GRID2: variants seen among roughly 807,000 people sequenced by gnomAD.
GRID2 encodes the protein glutamate receptor ionotropic, delta-2.
GRID2 carries 33 observed loss-of-function variants against 114.8 expected under a neutral mutation model. That is an observed-to-expected ratio of 0.29 (90% CI 0.22 to 0.38). The LOEUF (loss-of-function observed/expected upper bound fraction) is 0.38. GRID2 is among the 10% of genes least tolerant of loss of function. The pLI, the probability that GRID2 is intolerant of heterozygous loss-of-function variation, is 1.00. For synonymous variants in GRID2, 505 were observed against 449.9 expected, an observed-to-expected ratio of 1.12 and a Z score of -1.55; for missense variants, 1,184 against 1,257.7, an observed-to-expected ratio of 0.94 and a Z score of 0.89.
At chr4:92,479,440 T>A (rs764240046) in intron 1 of GRID2, among the ~76,000 whole-genome samples, 1 of 152,150 alleles carries the variant, frequency 6.6e-6, no homozygotes, top group African/African-American at 2.4e-5. Context: ...ACAAAATGTG[T>A]TTATTTGGAT....
intron 2 of GRID2, among the ~76,000 whole-genome samples, chr4:92,610,932 A>G (rs566481613): frequency 2.5e-4 from 38 of 151,486 alleles, no homozygotes; most frequent in African/African-American, 8.7e-4. Context: ...GGGATATATC[A>G]TTTTGTTTTT....
chr4:93,750,507 C>T (rs896611451), intron 14 of GRID2, among the ~76,000 whole-genome samples: 11 of 151,746 alleles, frequency 7.2e-5, no homozygotes, highest in African/African-American at 1.7e-4. Context: ...CGGTGGCTCA[C>T]GTCTGTAATC....
At chr4:92,917,855 G>C (rs1388292616) in intron 2 of GRID2, among the ~76,000 whole-genome samples, 1 of 152,180 alleles carries the variant, frequency 6.6e-6, no homozygotes, top group South Asian at 2.1e-4. Flanking sequence ...TTCCATGTGA[G>C]CTTTAAAGTA....
chr4:93,404,654 CT>C (rs1454114857), intron 9 of GRID2, among the ~76,000 whole-genome samples: 1 of 152,098 alleles, frequency 6.6e-6, no homozygotes, highest in Non-Finnish European at 1.5e-5. Flanking sequence ...TGTGTCCATT[CT>C]TCTTATGCAC....
chr4:93,512,662 T>C lies in GRID2; in HGVS notation c.1998-2554T>C, dbSNP rs551086105. On this transcript the variant is annotated intron_variant, in intron 12 of 15. Coordinates refer to ENST00000282020, the MANE Select transcript of GRID2 (RefSeq NM_001510.4). ...GCCTTTGTTCTAAATTACAAAATGCTCTGCTATTCTAAACTTGAAGTATGT... is the reference window on the plus strand; with the variant it reads ...GCCTTTGTTCTAAATTACAAAATGCCCTGCTATTCTAAACTTGAAGTATGT... Among the ~76,000 whole-genome samples the C allele has an allele frequency of 5.3e-5, 8 of 152,288 alleles. No homozygotes were observed. In the South Asian group the frequency reaches 1.7e-3, roughly 32 times the overall value.
At chr4:93,405,511 G>C (rs1190585385) in intron 9 of GRID2, among the ~76,000 whole-genome samples, 1 of 152,098 alleles carries the variant, frequency 6.6e-6, no homozygotes, top group Non-Finnish European at 1.5e-5. Context: ...ATATTTCAGA[G>C]ATGTGTTATC....
At chr4:93,194,341 T>C (rs971564753) in intron 4 of GRID2, among the ~76,000 whole-genome samples, 4 of 152,208 alleles carry the variant, frequency 2.6e-5, no homozygotes, top group African/African-American at 9.6e-5. Flanking sequence ...TGTGTAGCAA[T>C]GATTGAAGTA....
At chr4:92,625,299 C>G (rs1197961561) in intron 2 of GRID2, among the ~76,000 whole-genome samples, 1 of 151,696 alleles carries the variant, frequency 6.6e-6, no homozygotes. Context: ...TAGGATTGTG[C>G]TATCACAAAA....
chr4:92,785,072 C>CTTT (rs541472931), intron 2 of GRID2, among the ~76,000 whole-genome samples: 1 of 128,210 alleles, frequency 7.8e-6, no homozygotes, highest in Non-Finnish European at 1.7e-5. Context: ...TTTTGTGTTC[C>CTTT]TTTTTTTTTT....
chr4:93,554,805 G>A (rs1405344969), intron 13 of GRID2, among the ~76,000 whole-genome samples: 1 of 152,126 alleles, frequency 6.6e-6, no homozygotes, highest in East Asian at 1.9e-4. Context: ...CCTGAGACGG[G>A]AGGTGGCTGG....
chr4:92,546,030 G>C (rs896604764), intron 1 of GRID2, among the ~76,000 whole-genome samples: 1 of 151,998 alleles, frequency 6.6e-6, no homozygotes, highest in East Asian at 1.9e-4. Context: ...TTTACTTTTT[G>C]TTGTTGTTAG....
chr4:93,026,837 TACAC>T (rs1190825820), intron 2 of GRID2, among the ~76,000 whole-genome samples: 3 of 151,986 alleles, frequency 2.0e-5, no homozygotes, highest in Non-Finnish European at 2.9e-5. Flanking sequence ...ATTTAATACT[TACAC>T]AGCATACATT....
At chr4:92,616,980 G>GTACAC (rs765773852) in intron 2 of GRID2, among the ~76,000 whole-genome samples, 4 of 151,472 alleles carry the variant, frequency 2.6e-5, no homozygotes, top group African/African-American at 4.8e-5. Context: ...ATAATGTATA[G>GTACAC]TGATTATATA....
intron 4 of GRID2, among the ~76,000 whole-genome samples, chr4:93,147,483 T>G (rs1435894330): frequency 2.6e-5 from 4 of 152,296 alleles, no homozygotes; most frequent in East Asian, 3.9e-4. Context: ...TTTTTGAAAT[T>G]TAATACTCAT....
intron 8 of GRID2, among the ~76,000 whole-genome samples, chr4:93,392,228 G>A (rs1446298014): frequency 6.6e-6 from 1 of 151,788 alleles, no homozygotes; most frequent in African/African-American, 2.4e-5. Flanking sequence ...TACTAGTCTT[G>A]GACTCATTGT....
intron 4 of GRID2, among the ~76,000 whole-genome samples, chr4:93,171,409 C>T (rs1738809560): frequency 6.6e-6 from 1 of 152,124 alleles, no homozygotes; most frequent in Non-Finnish European, 1.5e-5. Context: ...ATTGAAATTC[C>T]TCTCCCAATA....
chr4:92,655,597 G>T (rs1732185306), intron 2 of GRID2, among the ~76,000 whole-genome samples: 1 of 151,228 alleles, frequency 6.6e-6, no homozygotes, highest in Non-Finnish European at 1.5e-5. Flanking sequence ...TCACTTCTTT[G>T]GTTAAATTCA....
chr4:92,649,819 G>A (rs1731837529), intron 2 of GRID2, among the ~76,000 whole-genome samples: 1 of 151,938 alleles, frequency 6.6e-6, no homozygotes, highest in African/African-American at 2.4e-5. Flanking sequence ...TTAGAAACTA[G>A]GATGTGAAAT....
intron 11 of GRID2, among the ~76,000 whole-genome samples, chr4:93,478,963 A>T (rs1725589461): frequency 6.6e-6 from 1 of 152,104 alleles, no homozygotes; most frequent in South Asian, 2.1e-4. Context: ...CAACTGAAAT[A>T]ACAATTATAT....
Sources: allele counts gnomAD v4.1 joint callset (sites outside exome capture counted in the v4.1 genomes callset), GRCh38; gene constraint gnomAD v4.1.1; transcripts MANE v1.5; gene names NCBI Gene and HGNC (gene_info 2026-07-23, HGNC 2026-07-21).